Variants in EPHA7 observed in about 807,000 individuals in gnomAD.
EPHA7 encodes the protein ephrin type-A receptor 7.
A neutral mutation model predicts 112.6 loss-of-function variants in EPHA7; 25 were observed. The observed-to-expected ratio is 0.22, with a 90% CI of 0.16 to 0.31. The LOEUF is 0.31. EPHA7 is among the 10% of genes least tolerant of loss of function. EPHA7 has a pLI of 1.00. For synonymous variants in EPHA7, 437 were observed against 406.5 expected (o/e 1.07, Z -0.90); for missense variants, 962 against 1,212.6 (o/e 0.79, Z 3.07).
intron 10 of EPHA7, among the ~76,000 whole-genome samples, chr6:93,258,888 A>G (rs1770565395): frequency 6.6e-6 from 1 of 151,762 alleles, no homozygotes; most frequent in Non-Finnish European, 1.5e-5. Flanking sequence ...TACATATAGA[A>G]AATATTCCCT....
At chr6:93,409,117 C>T (rs1241746187) in intron 3 of EPHA7, among the ~76,000 whole-genome samples, 1 of 151,858 alleles carries the variant, frequency 6.6e-6, no homozygotes, top group Non-Finnish European at 1.5e-5. Flanking sequence ...TAGCACAGGT[C>T]TAAACTTTTT....
At chr6:93,366,304 A>G (rs1776505726) in intron 3 of EPHA7, among the ~76,000 whole-genome samples, 1 of 152,204 alleles carries the variant, frequency 6.6e-6, no homozygotes, top group Non-Finnish European at 1.5e-5. Flanking sequence ...ATTTACTAGC[A>G]TACAATTGGG....
chr6:93,271,547 T>A (rs555309178), intron 6 of EPHA7, among the ~76,000 whole-genome samples: 72 of 151,750 alleles, frequency 4.7e-4, no homozygotes, highest in South Asian at 2.1e-3. Context: ...TGAGGTGGGG[T>A]TTTAAATCAC....
Position 93,283,429 on chromosome 6 carries a change from T to C in EPHA7, c.1325-11007A>G, listed in dbSNP as rs375598102. ...TCCTCTCAGGTCCCCTTCCACACTG[T>C]GGAAGCTTTTTCACTCTTTGTGATA... On this transcript the variant is annotated intron_variant, in intron 5 of 16. Coordinates refer to ENST00000369303, the MANE Select transcript of EPHA7 (RefSeq NM_004440.4). Among the ~76,000 whole-genome samples the C allele has an allele frequency of 3.3e-5, 5 of 152,164 alleles. No homozygotes were observed. In the East Asian group the frequency reaches 5.8e-4, roughly 18 times the overall value.
chr6:93,254,885 G>A (rs1315815048), intron 13 of EPHA7, 89 bp from the exon 14 acceptor site: 8 of 1,112,688 alleles, frequency 7.2e-6, no homozygotes, highest in African/African-American at 1.6e-5. Context: ...GTGCATTTTT[G>A]GTTGGTAGTT....
At chr6:93,322,679 G>A (rs1163758041) in intron 5 of EPHA7, among the ~76,000 whole-genome samples, 1 of 151,604 alleles carries the variant, frequency 6.6e-6, no homozygotes, top group Non-Finnish European at 1.5e-5. Flanking sequence ...ATTTAACTCT[G>A]ATTATACCTT....
chr6:93,410,376 GATCT>G lies in EPHA7; in HGVS notation c.832+121_832+124del. ...TAAGTTCAACGGTGACTTTGTTTAA[GATCT>G]ACTGAATTGCGCTTCTGGTACAGAG... On this transcript the variant is annotated intron_variant, in intron 3 of 16. Coordinates refer to ENST00000369303, the MANE Select transcript of EPHA7 (RefSeq NM_004440.4). The surrounding 1 kb of genome is among the most constrained non-coding windows in gnomAD (Gnocchi z 4.0). 1 of 840,916 alleles carries G rather than the reference GATCT, an allele frequency of 1.2e-6. No homozygotes were observed. The highest frequency in any genetic ancestry group is 1.7e-5 in the South Asian group (1 of 58,278). 52.1% of individuals were successfully genotyped at this position (840,916 alleles called of 1,614,324 possible). A position where few individuals can be genotyped will look rare whatever the true frequency, so the allele number is the denominator to read the frequency against.
chr6:93,418,867 G>A (rs766132217), intron 1 of EPHA7, among the ~76,000 whole-genome samples: 8 of 152,194 alleles, frequency 5.3e-5, no homozygotes, highest in South Asian at 4.1e-4. Context: ...CCCACAGAAG[G>A]CGAATAAGGA....
At chr6:93,321,709 T>C (rs2127885102) in intron 5 of EPHA7, among the ~76,000 whole-genome samples, 1 of 152,028 alleles carries the variant, frequency 6.6e-6, no homozygotes, top group East Asian at 1.9e-4. Context: ...AAAGGAGATA[T>C]TCCCTCTCCA....
rs780053514 is a variant in EPHA7, at chr6:93,272,279, A to T, written c.1449+19T>A. 3.1e-6 allele frequency: 5 copies of T among 1,610,660 alleles called. No homozygotes were observed. In the Admixed American group the frequency reaches 6.7e-5, roughly 22 times the overall value. ...AGACACACAGCACATTGTACATTTCAGTTGCTCTTAGCACTTACTTTCTCG... is the reference window on the plus strand; with the variant it reads ...AGACACACAGCACATTGTACATTTCTGTTGCTCTTAGCACTTACTTTCTCG... On this transcript the variant is annotated intron_variant, in intron 6 of 16. Coordinates refer to ENST00000369303, the MANE Select transcript of EPHA7 (RefSeq NM_004440.4).
chr6:93,382,164 G>T (rs1487876553), intron 3 of EPHA7, among the ~76,000 whole-genome samples: 1 of 152,078 alleles, frequency 6.6e-6, no homozygotes, highest in African/African-American at 2.4e-5. Flanking sequence ...GTAGACGAGT[G>T]GTCCCCAACC....
chr6:93,361,762 T>G (rs1582595828), intron 3 of EPHA7, among the ~76,000 whole-genome samples: 1 of 152,108 alleles, frequency 6.6e-6, no homozygotes, highest in East Asian at 1.9e-4. Flanking sequence ...ACAGCAGTTT[T>G]ACAAATTTTT....
chr6:93,281,441 A>T (rs1771731830), intron 5 of EPHA7, among the ~76,000 whole-genome samples: 1 of 152,180 alleles, frequency 6.6e-6, no homozygotes, highest in Non-Finnish European at 1.5e-5. Context: ...GTACTTCACA[A>T]GGTCAACTAT....
At chr6:93,324,060 C>A (rs1774199674) in intron 5 of EPHA7, among the ~76,000 whole-genome samples, 1 of 151,384 alleles carries the variant, frequency 6.6e-6, no homozygotes, top group Non-Finnish European at 1.5e-5. Flanking sequence ...CTCTTTTGAG[C>A]ACAACAAATA....
intron 5 of EPHA7, among the ~76,000 whole-genome samples, chr6:93,301,206 ATTTTC>A (rs1425437786): frequency 1.3e-5 from 2 of 151,916 alleles, no homozygotes; most frequent in African/African-American, 2.4e-5. Flanking sequence ...TCTAAAATGT[ATTTTC>A]TTTTAAGTTT....
chr6:93,300,870 A>G (rs1772944096), intron 5 of EPHA7, among the ~76,000 whole-genome samples: 1 of 152,178 alleles, frequency 6.6e-6, no homozygotes, highest in Admixed American at 6.6e-5. Flanking sequence ...GTGTACTTAC[A>G]CAAACTGAGA....
At chr6:93,301,914 T>C (rs1772996926) in intron 5 of EPHA7, among the ~76,000 whole-genome samples, 1 of 152,164 alleles carries the variant, frequency 6.6e-6, no homozygotes, top group African/African-American at 2.4e-5. Context: ...TACTCTATCC[T>C]TAGTCATCAG....
chr6:93,256,275 A>G (rs1770437041), intron 12 of EPHA7, among the ~76,000 whole-genome samples: 2 of 152,142 alleles, frequency 1.3e-5, no homozygotes, highest in African/African-American at 4.8e-5. Context: ...AAATGAACTA[A>G]TAACAGTTTG....
chr6:93,394,520 T>C (rs1001663393), intron 3 of EPHA7, among the ~76,000 whole-genome samples: 1 of 151,732 alleles, frequency 6.6e-6, no homozygotes, highest in African/African-American at 2.4e-5. Context: ...TCAGGAACAA[T>C]GCCAGGAGGA....
Sources: allele counts gnomAD v4.1 joint callset (sites outside exome capture counted in the v4.1 genomes callset), GRCh38; gene constraint gnomAD v4.1.1; non-coding constraint Gnocchi (gnomAD v3.1); transcripts MANE v1.5; gene names NCBI Gene and HGNC (gene_info 2026-07-23, HGNC 2026-07-21).